Variants in CLNK observed in about 807,000 individuals in gnomAD.
CLNK encodes the protein cytokine dependent hematopoietic cell linker, also known as cytokine-dependent hematopoietic cell linker.
Under a neutral mutation model 68.6 loss-of-function variants are expected in CLNK, and 74 were observed. That is an observed-to-expected ratio of 1.08 (90% CI 0.89 to 1.31). The LOEUF (loss-of-function observed/expected upper bound fraction) is 1.31. Among genes scored for constraint, CLNK ranks in the 50% most tolerant of loss-of-function variants. CLNK has a pLI of 0.00. For missense variants in CLNK, 553 were observed against 515.3 expected, an observed-to-expected ratio of 1.07 and a Z score of -0.71; for synonymous variants, 198 against 172.2, an observed-to-expected ratio of 1.15 and a Z score of -1.17.
At chr4:10,553,325 A>G (rs1042154882) in intron 8 of CLNK, among the ~76,000 whole-genome samples, 6 of 152,234 alleles carry the variant, frequency 3.9e-5, no homozygotes, top group Non-Finnish European at 8.8e-5. Flanking sequence ...GCTCCGTGCC[A>G]TATCCCCCTC....
chr4:10,705,188 G>A, the CLNK span, among the ~76,000 whole-genome samples: 1 of 152,194 alleles, frequency 6.6e-6, no homozygotes, highest in Non-Finnish European at 1.5e-5. Context: ...TGGGGTGGAA[G>A]GAATGGAGTC....
Position 10,513,588 on chromosome 4 carries a change from C to G in CLNK, c.782G>C (p.Gly261Ala). 6.3e-7 allele frequency: 1 copy of G among 1,598,996 alleles called. No individual in the cohort carries two copies. Among genetic ancestry groups the G allele is most frequent in the Non-Finnish European group, 8.5e-7 (1 of 1,172,774 alleles). The change falls in exon 16 of 19, where the codon GGA (glycine) becomes GCA (alanine). Residue 261 changes from glycine to alanine, a missense_variant. Coordinates refer to ENST00000226951, the MANE Select transcript of CLNK (RefSeq NM_052964.4). ...CTGAGGAGAACAGGGCTGCATGCCT[C>G]CTCTATGATCTGGAAAGGTTAAATT... ...NHSVQNRDHR[G>A]GMQPCSPQRC...
chr4:10,529,579 C>A (rs561768655), intron 12 of CLNK, among the ~76,000 whole-genome samples: 1 of 152,320 alleles, frequency 6.6e-6, no homozygotes, highest in South Asian at 2.1e-4. Context: ...ACATACATTT[C>A]ATTATGGACA....
At chr4:10,565,722 G>C (rs1720082312) in intron 6 of CLNK, among the ~76,000 whole-genome samples, 1 of 152,092 alleles carries the variant, frequency 6.6e-6, no homozygotes, top group Admixed American at 6.5e-5. Flanking sequence ...TAACAGCTGA[G>C]AGTTACAGAT....
At chr4:10,625,104 A>G (rs1172644019) in intron 2 of CLNK, among the ~76,000 whole-genome samples, 1 of 152,218 alleles carries the variant, frequency 6.6e-6, no homozygotes, top group East Asian at 1.9e-4. Context: ...CCAAGATCAC[A>G]GTAGCATTAG....
chr4:10,523,852 C>A (rs1038995084), intron 14 of CLNK: 1 of 249,492 alleles, frequency 4.0e-6, no homozygotes, highest in Non-Finnish European at 8.2e-6. Context: ...TGGTGAGACC[C>A]CTTCTCTACA....
At chr4:10,541,464 G>A (rs528786920) in intron 10 of CLNK, among the ~76,000 whole-genome samples, 11 of 152,138 alleles carry the variant, frequency 7.2e-5, no homozygotes, top group African/African-American at 2.4e-4. Context: ...TATGGCAGAG[G>A]TGCTCACAGG....
At chr4:10,646,385 TTTTAAGGG>T (rs1723512083) in intron 2 of CLNK, among the ~76,000 whole-genome samples, 1 of 152,220 alleles carries the variant, frequency 6.6e-6, no homozygotes, top group Non-Finnish European at 1.5e-5. Context: ...AGCTTTGGCA[TTTTAAGGG>T]TCAGTCTATG....
intron 11 of CLNK, among the ~76,000 whole-genome samples, chr4:10,535,263 G>GAAAGAAAGAAAGAAAGA (rs1225148465): frequency 8.3e-5 from 12 of 144,820 alleles, no homozygotes; most frequent in African/African-American, 3.1e-4. Flanking sequence ...AAGAAAGAAA[G>GAAAGAAAGAAAGAAAGA]AAAAAATGGA....
At chr4:10,598,502 G>T (rs1474347010) in intron 2 of CLNK, among the ~76,000 whole-genome samples, 1 of 152,156 alleles carries the variant, frequency 6.6e-6, no homozygotes, top group Non-Finnish European at 1.5e-5. Context: ...TCCCTATGTT[G>T]GTTGAATTTC....
intron 7 of CLNK, among the ~76,000 whole-genome samples, chr4:10,561,456 T>TC (rs1719885556): frequency 6.6e-6 from 1 of 152,200 alleles, no homozygotes; most frequent in Admixed American, 6.5e-5. Context: ...ATAGTTGTTT[T>TC]TTAAAAAATC....
chr4:10,697,979 G>A, the CLNK span, among the ~76,000 whole-genome samples: 1 of 152,152 alleles, frequency 6.6e-6, no homozygotes, highest in Non-Finnish European at 1.5e-5. Context: ...GACCAGAACA[G>A]GATATATGTC....
chr4:10,716,644 A>G, the CLNK span, among the ~76,000 whole-genome samples: 1 of 151,524 alleles, frequency 6.6e-6, no homozygotes, highest in Non-Finnish European at 1.5e-5. Flanking sequence ...TTCCCTCTCT[A>G]CCAAAAGGAA....
intron 2 of CLNK, among the ~76,000 whole-genome samples, chr4:10,656,278 C>A (rs1577200680): frequency 1.9e-5 from 2 of 103,960 alleles, no homozygotes; most frequent in South Asian, 3.0e-4. Flanking sequence ...GAAAAGTGTG[C>A]AGAATAAATA....
chr4:10,631,455 A>G (rs1722887208), intron 2 of CLNK, among the ~76,000 whole-genome samples: 1 of 152,210 alleles, frequency 6.6e-6, no homozygotes, highest in Non-Finnish European at 1.5e-5. Context: ...CAGGGGAGGA[A>G]AGATCACAAT....
intron 18 of CLNK, among the ~76,000 whole-genome samples, chr4:10,491,177 T>G (rs1224207468): frequency 1.3e-5 from 2 of 152,264 alleles, no homozygotes; most frequent in South Asian, 4.1e-4. Context: ...GGCAGCTCTT[T>G]AAACTTCCTA....
intron 2 of CLNK, among the ~76,000 whole-genome samples, chr4:10,618,587 T>A (rs370233876): frequency 2.0e-5 from 3 of 152,226 alleles, no homozygotes; most frequent in South Asian, 4.1e-4. Context: ...CTGGGTAATT[T>A]ATAAAGAAAT....
chr4:10,632,654 C>T (rs146189380), intron 2 of CLNK, among the ~76,000 whole-genome samples: 1 of 152,160 alleles, frequency 6.6e-6, no homozygotes, highest in Non-Finnish European at 1.5e-5. Flanking sequence ...GCACATTGCC[C>T]CCCTTTTTAA....
intron 2 of CLNK, among the ~76,000 whole-genome samples, chr4:10,624,141 A>G (rs1036635120): frequency 3.9e-5 from 6 of 152,234 alleles, no homozygotes; most frequent in African/African-American, 1.4e-4. Flanking sequence ...AACAATCCAG[A>G]GCATGTGAGC....
Sources: allele counts gnomAD v4.1 joint callset (sites outside exome capture counted in the v4.1 genomes callset), GRCh38; gene constraint gnomAD v4.1.1; transcripts MANE v1.5; gene names NCBI Gene and HGNC (gene_info 2026-07-23, HGNC 2026-07-21).